The following EPHA6 variants were observed in gnomAD, a reference collection of about 807,000 sequenced individuals.
The protein encoded by EPHA6 is ephrin type-A receptor 6.
In EPHA6, 50 loss-of-function variants were observed where a neutral mutation model predicts 112.0. The observed-to-expected ratio is 0.45, with a 90% CI of 0.36 to 0.56. EPHA6 has a LOEUF of 0.56. EPHA6 is among the 20% of genes least tolerant of loss of function. EPHA6 has a pLI of 0.00. For missense variants in EPHA6, 1,280 were observed against 1,417.4 expected, an observed-to-expected ratio of 0.90 and a Z score of 1.56; for synonymous variants, 529 against 490.7, an observed-to-expected ratio of 1.08 and a Z score of -1.03.
chr3:97,388,572 T>G (rs1317986145), intron 5 of EPHA6, among the ~76,000 whole-genome samples: 3 of 152,096 alleles, frequency 2.0e-5, no homozygotes, highest in Non-Finnish European at 4.4e-5. Context: ...GGGTGAGAGA[T>G]ATGATAGTTT....
chr3:97,516,137 A>T (rs1261599587), intron 10 of EPHA6, among the ~76,000 whole-genome samples: 2 of 152,178 alleles, frequency 1.3e-5, no homozygotes, highest in Non-Finnish European at 2.9e-5. Context: ...ATATTTACAC[A>T]TTAATCTGTA....
At chr3:97,545,096 C>A (rs1489250890) in intron 11 of EPHA6, among the ~76,000 whole-genome samples, 1 of 151,956 alleles carries the variant, frequency 6.6e-6, no homozygotes, top group Admixed American at 6.6e-5. Context: ...TTATTTCTTG[C>A]CTTCTGCTAG....
intron 15 of EPHA6, among the ~76,000 whole-genome samples, chr3:97,722,684 G>T (rs1412067480): frequency 6.6e-6 from 1 of 151,784 alleles, no homozygotes; most frequent in Non-Finnish European, 1.5e-5. Flanking sequence ...CACTGCTATG[G>T]GGGAAAAAAG....
At chr3:97,382,551 C>G (rs937446788) in intron 5 of EPHA6, among the ~76,000 whole-genome samples, 2 of 152,018 alleles carry the variant, frequency 1.3e-5, no homozygotes, top group Non-Finnish European at 2.9e-5. Context: ...TCCACCCTGA[C>G]TTCGGTATAC....
At chr3:97,615,287 C>T (rs913112240) in intron 13 of EPHA6, among the ~76,000 whole-genome samples, 5 of 152,146 alleles carry the variant, frequency 3.3e-5, no homozygotes, top group Admixed American at 6.6e-5. Flanking sequence ...GGTTTTCAGT[C>T]TGACACACAG....
chr3:97,477,026 T>C (rs2091390370), intron 8 of EPHA6, among the ~76,000 whole-genome samples: 1 of 152,088 alleles, frequency 6.6e-6, no homozygotes, highest in South Asian at 2.1e-4. Flanking sequence ...CAAGTACTAA[T>C]TTGGGCACAA....
At chr3:97,477,721 C>T (rs1301109582) in intron 8 of EPHA6, among the ~76,000 whole-genome samples, 1 of 152,108 alleles carries the variant, frequency 6.6e-6, no homozygotes, top group Non-Finnish European at 1.5e-5. Flanking sequence ...TCCTTACCCT[C>T]TATAACATTA....
At chr3:97,473,658 A>G (rs1478318158) in intron 7 of EPHA6, among the ~76,000 whole-genome samples, 1 of 151,874 alleles carries the variant, frequency 6.6e-6, no homozygotes, top group African/African-American at 2.4e-5. Flanking sequence ...TCAAAAAGAT[A>G]ATGCTTTCTA....
In EPHA6 at chr3:96,814,615, C is replaced by T; in HGVS notation, c.-9C>T. ...GAATAGTCCTCGCGCAAGCGGGACA[C>T]TGTGGTGGATGCAATTCCCCTCGCC... is the stretch of plus-strand genomic sequence containing the variant. On this transcript the variant is annotated 5_prime_UTR_variant, in exon 1 of 18. Coordinates refer to ENST00000389672, the MANE Select transcript of EPHA6 (RefSeq NM_001080448.3). 1.4e-6 allele frequency: 2 copies of T among 1,434,134 alleles called. No individual in the cohort carries two copies. Among genetic ancestry groups the T allele is most frequent in the Non-Finnish European group, 1.8e-6 (2 of 1,092,372 alleles). 88.8% of individuals were successfully genotyped at this position (1,434,134 alleles called of 1,614,324 possible).
At chr3:97,724,940 AAC>A (rs1469026080) in intron 15 of EPHA6, among the ~76,000 whole-genome samples, 1 of 151,956 alleles carries the variant, frequency 6.6e-6, no homozygotes, top group South Asian at 2.1e-4. Flanking sequence ...ACTGTGTGAA[AAC>A]ACAGTTATTG....
chr3:97,400,398 CTTTTG>C (rs2086926203), intron 5 of EPHA6, among the ~76,000 whole-genome samples: 1 of 151,552 alleles, frequency 6.6e-6, no homozygotes, highest in South Asian at 2.1e-4. Flanking sequence ...ATGCCTCCAG[CTTTTG>C]TTTTGTTTTG....
chr3:97,076,640 A>G (rs1166256066), intron 3 of EPHA6, among the ~76,000 whole-genome samples: 1 of 152,202 alleles, frequency 6.6e-6, no homozygotes, highest in African/African-American at 2.4e-5. Context: ...GCAGCATTGT[A>G]TTGGAAGAGG....
At chr3:97,355,385 G>A (rs2084019085) in intron 5 of EPHA6, among the ~76,000 whole-genome samples, 1 of 152,042 alleles carries the variant, frequency 6.6e-6, no homozygotes, top group African/African-American at 2.4e-5. Flanking sequence ...AAGTTAGAGT[G>A]TTTGTTAGTT....
rs554784079 is a variant in EPHA6, at chr3:97,178,505, G to T, written c.1115-47759G>T. 7.9e-5 allele frequency among the ~76,000 whole-genome samples: 12 copies of T among 152,060 alleles called. No individual in the cohort carries two copies. The South Asian group carries it at 2.5e-3, about 32-fold the overall frequency. On this transcript the variant is annotated intron_variant, in intron 3 of 17. Transcript: ENST00000389672. Reference sequence around the variant, plus strand: ...ATGTCCTTTTCTTTCTGATTGCAGTGCTCCCTTTAGCATTTCTTGTAGGAC... The same window carrying T: ...ATGTCCTTTTCTTTCTGATTGCAGTTCTCCCTTTAGCATTTCTTGTAGGAC...
At chr3:96,900,869 G>A (rs1287434639) in intron 2 of EPHA6, among the ~76,000 whole-genome samples, 4 of 152,202 alleles carry the variant, frequency 2.6e-5, no homozygotes, top group African/African-American at 7.2e-5. Flanking sequence ...GAGTCTTGTA[G>A]TTCTTATGCA....
intron 2 of EPHA6, among the ~76,000 whole-genome samples, chr3:96,884,831 C>T (rs577835599): frequency 6.6e-6 from 1 of 152,234 alleles, no homozygotes; most frequent in Non-Finnish European, 1.5e-5. Context: ...TTCAACTTTT[C>T]TCCATTCAGT....
chr3:97,006,157 CT>C (rs1476740023), intron 3 of EPHA6, among the ~76,000 whole-genome samples: 2 of 152,152 alleles, frequency 1.3e-5, no homozygotes, highest in East Asian at 1.9e-4. Flanking sequence ...GGAGTTCCTC[CT>C]TTTCAATTGT....
intron 11 of EPHA6, among the ~76,000 whole-genome samples, chr3:97,537,762 A>C (rs540445444): frequency 6.6e-6 from 1 of 152,164 alleles, no homozygotes; most frequent in African/African-American, 2.4e-5. Flanking sequence ...TATTTTTAGT[A>C]GAGACAGGGT....
intron 3 of EPHA6, among the ~76,000 whole-genome samples, chr3:97,027,070 A>G (rs1397535705): frequency 6.6e-6 from 1 of 152,240 alleles, no homozygotes; most frequent in African/African-American, 2.4e-5. Flanking sequence ...TGGATAAAGA[A>G]AACGTGGTAC....
Sources: gnomAD v4.1 joint callset for allele counts (sites outside exome capture counted in the v4.1 genomes callset) on GRCh38, gnomAD v4.1.1 for gene constraint, MANE v1.5 for transcripts, NCBI Gene and HGNC (gene_info 2026-07-23, HGNC 2026-07-21) for gene names.